FHIT: variants seen among roughly 807,000 people sequenced by gnomAD.
The protein encoded by FHIT is bis(5'-adenosyl)-triphosphatase.
A neutral mutation model predicts 17.9 loss-of-function variants in FHIT; 19 were observed. The observed-to-expected ratio is 1.06, with a 90% CI of 0.74 to 1.56. FHIT has a LOEUF of 1.56. Among genes scored for constraint, FHIT ranks in the 40% most tolerant of loss-of-function variants. The pLI, the probability that FHIT is intolerant of heterozygous loss-of-function variation, is 0.00. For missense variants in FHIT, 248 were observed against 189.2 expected (o/e 1.31, Z -1.82); for synonymous variants, 81 against 69.7 (o/e 1.16, Z -0.81).
intron 5 of FHIT, among the ~76,000 whole-genome samples, chr3:60,279,201 G>T (rs896468753): frequency 6.6e-6 from 1 of 151,940 alleles, no homozygotes; most frequent in Non-Finnish European, 1.5e-5. Flanking sequence ...AATGAAAGAG[G>T]GGTCATCACT....
intron 8 of FHIT, among the ~76,000 whole-genome samples, chr3:59,835,929 T>A (rs1701323921): frequency 6.6e-6 from 1 of 152,070 alleles, no homozygotes; most frequent in South Asian, 2.1e-4. Context: ...TAAGAGTAAA[T>A]CAAGGGGACA....
chr3:59,818,380 G>A (rs538292565), intron 8 of FHIT, among the ~76,000 whole-genome samples: 5 of 152,100 alleles, frequency 3.3e-5, no homozygotes, highest in East Asian at 2.0e-4. Flanking sequence ...GTTAATTCAC[G>A]GATGTGGAAG....
Position 60,431,191 on chromosome 3 carries a change from A to G in FHIT, c.103+105669T>C, listed in dbSNP as rs1169385188. ...GCACCACTGCACTCTAGCCTGGATG[A>G]CAAAGCAAGATTCCATCTCAAAAGA... On this transcript the variant is annotated intron_variant, in intron 5 of 9. Coordinates refer to ENST00000492590, the MANE Select transcript of FHIT (RefSeq NM_002012.4). Among the ~76,000 whole-genome samples the G allele has an allele frequency of 4.3e-5, 6 of 140,492 alleles. No individual in the cohort carries two copies. In the East Asian group the frequency reaches 1.3e-3, roughly 30 times the overall value. 92.2% of individuals were successfully genotyped at this position (140,492 alleles called of 152,430 possible). A position where few individuals can be genotyped will look rare whatever the true frequency, so the allele number is the denominator to read the frequency against.
At chr3:60,526,288 C>T (rs1470622543) in intron 5 of FHIT, among the ~76,000 whole-genome samples, 1 of 152,092 alleles carries the variant, frequency 6.6e-6, no homozygotes, top group Admixed American at 6.5e-5. Flanking sequence ...AGTAAAGTCT[C>T]GCCCCCGTTT....
At chr3:60,223,105 A>G (rs1458500793) in intron 5 of FHIT, among the ~76,000 whole-genome samples, 1 of 152,154 alleles carries the variant, frequency 6.6e-6, no homozygotes, top group African/African-American at 2.4e-5. Context: ...GGAAAACTGG[A>G]TCAGAGATGA....
At chr3:60,984,338 CTTTGACAT>C (rs1710624158) in intron 3 of FHIT, among the ~76,000 whole-genome samples, 1 of 152,198 alleles carries the variant, frequency 6.6e-6, no homozygotes, top group Non-Finnish European at 1.5e-5. Flanking sequence ...TCTTCTTAAG[CTTTGACAT>C]TAATTACAGA....
chr3:59,998,378 C>T (rs1162013664), intron 7 of FHIT, among the ~76,000 whole-genome samples: 1 of 152,050 alleles, frequency 6.6e-6, no homozygotes, highest in African/African-American at 2.4e-5. Context: ...CATGCCAATA[C>T]ACATTTTATG....
intron 5 of FHIT, among the ~76,000 whole-genome samples, chr3:60,145,962 A>G (rs974040124): frequency 6.6e-6 from 1 of 152,188 alleles, no homozygotes; most frequent in Admixed American, 6.6e-5. Flanking sequence ...CCTCCTTCAA[A>G]TATTTTTTAA....
chr3:61,054,995 T>C (rs1017753708), intron 2 of FHIT, among the ~76,000 whole-genome samples: 13 of 152,192 alleles, frequency 8.5e-5, no homozygotes, highest in Non-Finnish European at 1.5e-4. Flanking sequence ...AAGGAGAACC[T>C]TCCCTGCTTT....
chr3:60,549,535 C>G (rs779570951), intron 4 of FHIT, among the ~76,000 whole-genome samples: 1 of 152,106 alleles, frequency 6.6e-6, no homozygotes, highest in Non-Finnish European at 1.5e-5. Context: ...GTATGAACTA[C>G]TAAATAGCTC....
intron 8 of FHIT, among the ~76,000 whole-genome samples, chr3:59,919,799 CA>C: frequency 1.3e-5 from 2 of 152,188 alleles, no homozygotes; most frequent in Non-Finnish European, 2.9e-5. Context: ...CAAGTGCTCC[CA>C]TCAATATAAA....
intron 3 of FHIT, among the ~76,000 whole-genome samples, chr3:60,961,133 T>C (rs1553780618): frequency 6.6e-6 from 1 of 152,212 alleles, no homozygotes; most frequent in Admixed American, 6.5e-5. Flanking sequence ...TTCTAAATGG[T>C]GTGAGATGGT....
At chr3:59,938,339 C>G (rs1004181573) in intron 7 of FHIT, among the ~76,000 whole-genome samples, 1 of 152,046 alleles carries the variant, frequency 6.6e-6, no homozygotes, top group African/African-American at 2.4e-5. Context: ...AATGTGGAAT[C>G]TTAAAGTAAA....
At chr3:59,946,883 G>T (rs2107290257) in intron 7 of FHIT, among the ~76,000 whole-genome samples, 1 of 152,250 alleles carries the variant, frequency 6.6e-6, no homozygotes. Context: ...TAGTGGATTA[G>T]CTTTTTGATG....
intron 2 of FHIT, among the ~76,000 whole-genome samples, chr3:61,197,105 T>C (rs2038874606): frequency 6.6e-6 from 1 of 152,212 alleles, no homozygotes; most frequent in African/African-American, 2.4e-5. Flanking sequence ...CTCTTTTTCC[T>C]ACTCAGCCTC....
intron 4 of FHIT, among the ~76,000 whole-genome samples, chr3:60,643,947 C>G (rs1412660499): frequency 1.3e-5 from 2 of 152,098 alleles, no homozygotes; most frequent in African/African-American, 2.4e-5. Context: ...AAACACAGCC[C>G]CCATCAAAAC....
intron 7 of FHIT, among the ~76,000 whole-genome samples, chr3:60,010,094 C>T (rs137977576): frequency 2.4e-4 from 36 of 152,216 alleles, no homozygotes; most frequent in African/African-American, 6.7e-4. Flanking sequence ...CTAACTAATC[C>T]GGTATAGTTG....
intron 5 of FHIT, among the ~76,000 whole-genome samples, chr3:60,211,281 A>G (rs1703442197): frequency 6.6e-6 from 1 of 151,970 alleles, no homozygotes; most frequent in Non-Finnish European, 1.5e-5. Context: ...TCCACATACA[A>G]ACACATATAT....
At chr3:60,820,936 C>T (rs1289328840) in intron 4 of FHIT, among the ~76,000 whole-genome samples, 1 of 150,966 alleles carries the variant, frequency 6.6e-6, no homozygotes, top group Non-Finnish European at 1.5e-5. Context: ...CTAGAGATTA[C>T]CAGATTAGTG....
Sources: gnomAD v4.1 joint callset for allele counts (sites outside exome capture counted in the v4.1 genomes callset) on GRCh38, gnomAD v4.1.1 for gene constraint, MANE v1.5 for transcripts, NCBI Gene and HGNC (gene_info 2026-07-23, HGNC 2026-07-21) for gene names.